The following DPF3 variants were observed in gnomAD, a reference collection of about 807,000 sequenced individuals.
The protein encoded by DPF3 is double PHD fingers 3.
DPF3 carries 18 observed loss-of-function variants against 56.8 expected under a neutral mutation model. The observed-to-expected ratio is 0.32, with a 90% CI of 0.22 to 0.47. The LOEUF (loss-of-function observed/expected upper bound fraction) is 0.47, where lower values mean the gene tolerates loss of function less well. Among genes scored for constraint, DPF3 ranks in the 20% least tolerant of loss-of-function variants. The pLI is 1.00. For synonymous variants in DPF3, 188 were observed against 180.2 expected (o/e 1.04, Z -0.35); for missense variants, 403 against 488.8 (o/e 0.82, Z 1.65).
chr14:72,868,875 C>T (rs1011484272), intron 1 of DPF3, among the ~76,000 whole-genome samples: 1 of 152,164 alleles, frequency 6.6e-6, no homozygotes, highest in East Asian at 1.9e-4. Context: ...CTGACCTTCC[C>T]GGGCTCCATC....
chr14:72,798,209 G>A (rs1386604392), intron 1 of DPF3, among the ~76,000 whole-genome samples: 2 of 121,348 alleles, frequency 1.6e-5, no homozygotes, highest in South Asian at 2.9e-4. Context: ...AGCCAGGATC[G>A]CACCACGGCA....
At chr14:72,634,427 G>T (rs1350202161) in intron 8 of DPF3, among the ~76,000 whole-genome samples, 2 of 152,148 alleles carry the variant, frequency 1.3e-5, no homozygotes, top group Admixed American at 1.3e-4. Flanking sequence ...TCTAAGGAAA[G>T]TAATAGCAGC....
chr14:72,711,471 C>T (rs779621267), intron 6 of DPF3, among the ~76,000 whole-genome samples: 24 of 151,962 alleles, frequency 1.6e-4, no homozygotes, highest in Non-Finnish European at 3.2e-4. Flanking sequence ...GGACAGGCTC[C>T]GACTAGTAAG....
At chr14:72,853,084 T>C (rs1487339225) in intron 1 of DPF3, 2 of 141,706 alleles carry the variant, frequency 1.4e-5, no homozygotes, top group Non-Finnish European at 3.1e-5. Flanking sequence ...TGCTGAGGCA[T>C]AGAAAATATC....
intron 1 of DPF3, among the ~76,000 whole-genome samples, chr14:72,852,854 C>A (rs1885033043): frequency 6.6e-6 from 1 of 152,054 alleles, no homozygotes; most frequent in African/African-American, 2.4e-5. Flanking sequence ...TAAACAGAGC[C>A]CGTGCCACAT....
chr14:72,696,695 C>T (rs1887915201), intron 6 of DPF3, among the ~76,000 whole-genome samples: 1 of 152,230 alleles, frequency 6.6e-6, no homozygotes, highest in Admixed American at 6.5e-5. Flanking sequence ...CTCCCTCTAT[C>T]TCCTTCCCCA....
At position 72,760,941 on chromosome 14, in the gene DPF3, T is replaced by C. The variant is rs1039047718; in HGVS notation, c.194-7570A>G. The stretch of plus-strand genomic sequence containing the variant: ...AGAGCTGGAGTGGCTATATTGGAAT[T>C]AGACAAAGGAGATTTCAGATAAAAT... On this transcript the variant is annotated intron_variant, in intron 2 of 10. Transcript: ENST00000556509. Among the ~76,000 whole-genome samples the C allele has an allele frequency of 1.3e-5, 2 of 152,030 alleles. 1 individual carries two copies. The highest frequency in any genetic ancestry group is 4.1e-4 in the South Asian group (2 of 4,826).
chr14:72,853,057 GTGTGTGTA>G (rs1372291582), intron 1 of DPF3, among the ~76,000 whole-genome samples: 5 of 151,786 alleles, frequency 3.3e-5, no homozygotes, highest in African/African-American at 1.2e-4. Flanking sequence ...GTATGTGTGT[GTGTGTGTA>G]TGCATGCTTG....
intron 1 of DPF3, among the ~76,000 whole-genome samples, chr14:72,819,475 C>T (rs1034225474): frequency 6.6e-6 from 1 of 150,984 alleles, no homozygotes; most frequent in Non-Finnish European, 1.5e-5. Flanking sequence ...TGAATGATTA[C>T]AATATTTTGG....
At chr14:72,679,613 TC>T (rs1887069917) in intron 7 of DPF3, among the ~76,000 whole-genome samples, 1 of 152,206 alleles carries the variant, frequency 6.6e-6, no homozygotes, top group Non-Finnish European at 1.5e-5. Flanking sequence ...CCCGCCACCC[TC>T]CACAGGCTGA....
intron 1 of DPF3, among the ~76,000 whole-genome samples, chr14:72,872,672 T>C (rs1050789925): frequency 1.1e-4 from 16 of 152,176 alleles, no homozygotes; most frequent in Non-Finnish European, 2.2e-4. Flanking sequence ...CTTCAAACTA[T>C]ACTACAAGGC....
intron 3 of DPF3, among the ~76,000 whole-genome samples, chr14:72,751,526 A>C (rs1383501191): frequency 1.3e-5 from 2 of 152,214 alleles, no homozygotes; most frequent in Non-Finnish European, 2.9e-5. Context: ...CTTTGAATGT[A>C]GGTCTAGAAC....
At chr14:72,773,424 A>G (rs563018750) in intron 1 of DPF3, among the ~76,000 whole-genome samples, 4 of 152,238 alleles carry the variant, frequency 2.6e-5, no homozygotes, top group African/African-American at 9.6e-5. Flanking sequence ...GTGAGCCACC[A>G]TGCCTGGCCT....
intron 1 of DPF3, among the ~76,000 whole-genome samples, chr14:72,790,601 G>A (rs1892390274): frequency 1.3e-5 from 2 of 152,150 alleles, no homozygotes; most frequent in Non-Finnish European, 2.9e-5. Flanking sequence ...TCATTCTCAT[G>A]TTACAGATGA....
chr14:72,736,991 C>T (rs373212060), intron 3 of DPF3, among the ~76,000 whole-genome samples: 3 of 152,048 alleles, frequency 2.0e-5, no homozygotes, highest in African/African-American at 4.8e-5. Context: ...CCTGGGCCCC[C>T]GTAAGCAGCT....
chr14:72,621,016 C>T (rs1325099857), intron 9 of DPF3, among the ~76,000 whole-genome samples: 1 of 152,012 alleles, frequency 6.6e-6, no homozygotes, highest in East Asian at 1.9e-4. Flanking sequence ...TGGCGTGCAC[C>T]TGTAATCCCA....
At chr14:72,680,767 T>C (rs1599352213) in intron 7 of DPF3, among the ~76,000 whole-genome samples, 1 of 152,322 alleles carries the variant, frequency 6.6e-6, no homozygotes, top group East Asian at 1.9e-4. Context: ...ACGAAAGCCA[T>C]GGCCAGAGGG....
At chr14:72,666,135 T>C (rs936667458) in intron 8 of DPF3, among the ~76,000 whole-genome samples, 3 of 152,184 alleles carry the variant, frequency 2.0e-5, no homozygotes, top group Admixed American at 2.0e-4. Context: ...TAATTCAATG[T>C]TTTTGTGTTA....
chr14:72,711,434 C>T (rs1888647894), intron 6 of DPF3, among the ~76,000 whole-genome samples: 1 of 152,090 alleles, frequency 6.6e-6, no homozygotes, highest in South Asian at 2.1e-4. Flanking sequence ...AGAGCATGCA[C>T]CTGGAGAGGC....
Sources: gnomAD v4.1 joint callset for allele counts (sites outside exome capture counted in the v4.1 genomes callset) on GRCh38, gnomAD v4.1.1 for gene constraint, MANE v1.5 for transcripts, NCBI Gene and HGNC (gene_info 2026-07-23, HGNC 2026-07-21) for gene names.